PDE1C: variants seen among roughly 807,000 people sequenced by gnomAD.
PDE1C encodes the protein dual specificity calcium/calmodulin-dependent 3',5'-cyclic nucleotide phosphodiesterase 1C.
Under a neutral mutation model 93.1 loss-of-function variants are expected in PDE1C, and 62 were observed. That is an observed-to-expected ratio of 0.67 (90% CI 0.54 to 0.82). The LOEUF is 0.82. PDE1C is among the 40% of genes least tolerant of loss of function. The pLI is 0.00. For synonymous variants in PDE1C, 325 were observed against 310.1 expected (o/e 1.05, Z -0.50); for missense variants, 742 against 884.6 (o/e 0.84, Z 2.04).
chr7:32,272,995 G>A (rs533996957), intron 1 of PDE1C, among the ~76,000 whole-genome samples: 6 of 152,112 alleles, frequency 3.9e-5, no homozygotes, highest in South Asian at 2.1e-4. Context: ...CCTATGATAC[G>A]GGGTATGGAA....
At chr7:31,636,639 C>T in the PDE1C span, among the ~76,000 whole-genome samples, 3 of 151,852 alleles carry the variant, frequency 2.0e-5, no homozygotes, top group East Asian at 1.9e-4. Context: ...TCCTGTCTCA[C>T]GCTCTCCTAT....
chr7:32,017,881 C>A (rs1012286786), intron 2 of PDE1C, among the ~76,000 whole-genome samples: 1 of 150,656 alleles, frequency 6.6e-6, no homozygotes, highest in African/African-American at 2.4e-5. Context: ...GAGTTTGAAA[C>A]CAGCCTGGGC....
intron 2 of PDE1C, among the ~76,000 whole-genome samples, chr7:32,042,326 CA>C (rs919855411): frequency 1.3e-5 from 2 of 151,802 alleles, no homozygotes; most frequent in Non-Finnish European, 2.9e-5. Context: ...AGAAAACAGA[CA>C]AAAAAAACTA....
upstream of PDE1C, chr7:32,071,299 G>C: frequency 1.0e-6 from 1 of 985,490 alleles, no homozygotes; most frequent in Non-Finnish European, 1.2e-6. Context: ...AGGCTTCGCG[G>C]AGGTTGGGCC....
intron 1 of PDE1C, among the ~76,000 whole-genome samples, chr7:32,233,222 G>A (rs781690222): frequency 6.6e-6 from 1 of 152,094 alleles, no homozygotes; most frequent in Non-Finnish European, 1.5e-5. Flanking sequence ...AAGAAAATAA[G>A]AGATAAAAAA....
chr7:31,618,047 A>G, the PDE1C span, among the ~76,000 whole-genome samples: 2 of 152,196 alleles, frequency 1.3e-5, no homozygotes, highest in Admixed American at 1.3e-4. Context: ...TGGGATCCTA[A>G]AGAAGCCAAG....
chr7:31,844,277 T>A (rs1236572095), intron 9 of PDE1C, among the ~76,000 whole-genome samples: 1 of 151,638 alleles, frequency 6.6e-6, no homozygotes, highest in Non-Finnish European at 1.5e-5. Flanking sequence ...CAAAATAATA[T>A]TTTTGAAACT....
intron 3 of PDE1C, among the ~76,000 whole-genome samples, chr7:32,098,145 G>T (rs1026997754): frequency 6.9e-6 from 1 of 144,674 alleles, no homozygotes; most frequent in African/African-American, 2.7e-5. Flanking sequence ...CAGGAGAATG[G>T]CGTGAACCCG....
chr7:32,207,286 GCA>G (rs1805647395), intron 2 of PDE1C, among the ~76,000 whole-genome samples: 1 of 150,506 alleles, frequency 6.6e-6, no homozygotes, highest in African/African-American at 2.5e-5. Flanking sequence ...ACTGGGCAAC[GCA>G]CACTGTCAAG....
At chr7:31,839,030 T>C (rs1791476835) in intron 9 of PDE1C, among the ~76,000 whole-genome samples, 1 of 148,324 alleles carries the variant, frequency 6.7e-6, no homozygotes, top group Non-Finnish European at 1.5e-5. Context: ...ATTTATATAT[T>C]ATATACACAT....
the PDE1C span, among the ~76,000 whole-genome samples, chr7:31,718,741 C>G: frequency 6.6e-6 from 1 of 152,274 alleles, no homozygotes; most frequent in East Asian, 1.9e-4. Context: ...AAGGTGGGAA[C>G]TCAGGGCACA....
intron 3 of PDE1C, among the ~76,000 whole-genome samples, chr7:32,109,456 A>T (rs930510630): frequency 6.6e-6 from 1 of 152,190 alleles, no homozygotes; most frequent in Non-Finnish European, 1.5e-5. Context: ...TCTCAGCCTC[A>T]GCACTACTGA....
intron 2 of PDE1C, among the ~76,000 whole-genome samples, chr7:31,943,149 T>C (rs1371167211): frequency 6.6e-6 from 1 of 152,150 alleles, no homozygotes; most frequent in Non-Finnish European, 1.5e-5. Flanking sequence ...CCTTTGGCAG[T>C]TTGGAAACCT....
chr7:32,106,159 C>T (rs376125180), intron 3 of PDE1C, among the ~76,000 whole-genome samples: 2 of 152,104 alleles, frequency 1.3e-5, no homozygotes, highest in Admixed American at 6.6e-5. Flanking sequence ...CTTGCAAGCT[C>T]GTGCCACCAT....
chr7:31,783,303 A>T (rs760996047), intron 16 of PDE1C, among the ~76,000 whole-genome samples: 5 of 152,094 alleles, frequency 3.3e-5, no homozygotes, highest in Non-Finnish European at 5.9e-5. Context: ...CCTCACAGTC[A>T]AAAAAGGTGA....
At chr7:31,906,471 T>C (rs981126131) in intron 2 of PDE1C, among the ~76,000 whole-genome samples, 2 of 150,850 alleles carry the variant, frequency 1.3e-5, no homozygotes, top group African/African-American at 4.9e-5. Context: ...TAGAGTGAGG[T>C]ACATTTCCTT....
At chr7:32,225,966 G>A (rs564525962) in intron 1 of PDE1C, among the ~76,000 whole-genome samples, 2 of 152,282 alleles carry the variant, frequency 1.3e-5, no homozygotes, top group African/African-American at 2.4e-5. Flanking sequence ...GCTGAGGCAG[G>A]AGAATTGCTT....
chr7:32,203,918 A>G (rs943129580), intron 2 of PDE1C, among the ~76,000 whole-genome samples: 1 of 152,174 alleles, frequency 6.6e-6, no homozygotes, highest in African/African-American at 2.4e-5. Context: ...CAACCTTGGC[A>G]TACAGTTTTT....
chr7:31,925,864 T>A (rs921512756), intron 2 of PDE1C, among the ~76,000 whole-genome samples: 1 of 152,122 alleles, frequency 6.6e-6, no homozygotes, highest in Non-Finnish European at 1.5e-5. Flanking sequence ...ATAAAATAAT[T>A]AGGGGTTTGG....
Sources: allele counts gnomAD v4.1 joint callset (sites outside exome capture counted in the v4.1 genomes callset), GRCh38; gene constraint gnomAD v4.1.1; transcripts MANE v1.5; gene names NCBI Gene and HGNC (gene_info 2026-07-23, HGNC 2026-07-21).